The following ECPAS variants were observed in gnomAD, a reference collection of about 807,000 sequenced individuals.
ECPAS encodes proteasome adapter and scaffold protein ECM29.
ECPAS carries 70 observed loss-of-function variants against 255.1 expected under a neutral mutation model. The ratio of observed to expected loss-of-function variants is 0.27; its 90% CI spans 0.23 to 0.33. The LOEUF (loss-of-function observed/expected upper bound fraction) is 0.33. ECPAS is among the 10% of genes least tolerant of loss of function. ECPAS has a pLI of 1.00. For missense variants in ECPAS, 1,817 were observed against 2,206.4 expected (o/e 0.82, Z 3.54); for synonymous variants, 784 against 775.0 (o/e 1.01, Z -0.19).
chr9:111,475,236 C>CA (rs1404429147), intron 1 of ECPAS, among the ~76,000 whole-genome samples: 12 of 152,084 alleles, frequency 7.9e-5, no homozygotes, highest in Admixed American at 1.3e-4. Context: ...AATACATGGG[C>CA]AAAACAAGCC....
intron 3 of ECPAS, among the ~76,000 whole-genome samples, chr9:111,447,822 T>C (rs914772924): frequency 6.6e-6 from 1 of 152,122 alleles, no homozygotes; most frequent in Non-Finnish European, 1.5e-5. Context: ...AAAGTTATAA[T>C]AGAAAGATAC....
intron 2 of ECPAS, among the ~76,000 whole-genome samples, chr9:111,465,991 C>T (rs2132045053): frequency 6.6e-6 from 1 of 151,974 alleles, no homozygotes; most frequent in East Asian, 1.9e-4. Context: ...CTAGATCATG[C>T]CTCTGCACTC....
chr9:111,364,219 A>T (rs539361034), intron 48 of ECPAS, among the ~76,000 whole-genome samples: 9 of 152,256 alleles, frequency 5.9e-5, no homozygotes, highest in African/African-American at 1.9e-4. Context: ...TCTACCAAAA[A>T]AATCAACACA....
intron 2 of ECPAS, among the ~76,000 whole-genome samples, chr9:111,472,472 T>C (rs1017833057): frequency 2.6e-5 from 4 of 151,760 alleles, no homozygotes; most frequent in African/African-American, 7.3e-5. Context: ...ACCCCATCTC[T>C]ACTAAAAATA....
At chr9:111,447,204 A>AGTT (rs2098254341) in intron 3 of ECPAS, among the ~76,000 whole-genome samples, 1 of 151,772 alleles carries the variant, frequency 6.6e-6, no homozygotes, top group African/African-American at 2.4e-5. Flanking sequence ...AGCCAACTGC[A>AGTT]GCCTCGAACT....
chr9:111,467,219 G>A (rs1433515049), intron 2 of ECPAS, among the ~76,000 whole-genome samples: 1 of 152,062 alleles, frequency 6.6e-6, no homozygotes, highest in Non-Finnish European at 1.5e-5. Context: ...AAGAAGAGAA[G>A]AGATGAGAAA....
intron 24 of ECPAS, 59 bp downstream of exon 24, chr9:111,408,512 A>C (rs2098188739): frequency 7.9e-6 from 9 of 1,141,964 alleles, no homozygotes; most frequent in Non-Finnish European, 1.1e-5. Flanking sequence ...ACCTAAAAAA[A>C]AAAAAAAGAC....
intron 19 of ECPAS, 103 bp downstream of exon 19, chr9:111,414,326 A>T: frequency 3.1e-6 from 3 of 976,712 alleles, no homozygotes; most frequent in Non-Finnish European, 3.0e-6. Flanking sequence ...ATGTTCAGTT[A>T]CAGAAGAAAA....
intron 46 of ECPAS, among the ~76,000 whole-genome samples, chr9:111,367,014 C>T (rs1039425690): frequency 7.2e-5 from 11 of 152,130 alleles, no homozygotes; most frequent in African/African-American, 2.4e-4. Flanking sequence ...GAATGACAGC[C>T]ACAGAAAGAA....
intron 34 of ECPAS, among the ~76,000 whole-genome samples, chr9:111,383,878 C>T (rs1040196540): frequency 6.6e-6 from 1 of 152,040 alleles, no homozygotes; most frequent in East Asian, 1.9e-4. Context: ...GTCGTGATCA[C>T]GCCACTGCAT....
Position 111,370,528 on chromosome 9 carries a change from A to T in ECPAS, c.4881T>A (p.Ile1627=), listed in dbSNP as rs768535902. The part of the protein sequence containing the change: ...ECSKENVKYK[I]VAISCAADIL... ...TATCAGCTGCACAGCTGATTGCTAC[A>T]ATCTTGTATTTGACATTCTCTTTGC... The change falls in exon 45 of 50, where the codon ATT becomes ATA. Residue 1627 remains isoleucine (I), a synonymous_variant. Transcript: ENST00000684092. The T allele has an allele frequency of 6.2e-7, 1 of 1,611,404 alleles. No individual in the cohort carries two copies. The highest frequency in any genetic ancestry group is 1.7e-5 in the Admixed American group (1 of 59,646).
chr9:111,400,824 GAGAA>G (rs2098174815), intron 24 of ECPAS, among the ~76,000 whole-genome samples: 1 of 152,150 alleles, frequency 6.6e-6, no homozygotes, highest in Admixed American at 6.5e-5. Flanking sequence ...AGAGGAAACA[GAGAA>G]AGAAACAGGT....
chr9:111,386,580 T>G, intron 31 of ECPAS, 124 bp from the exon 32 acceptor site: 1 of 630,196 alleles, frequency 1.6e-6, no homozygotes, highest in Non-Finnish European at 2.8e-6. Context: ...TTTTACGGCC[T>G]CCATGTCTCT....
intron 23 of ECPAS, among the ~76,000 whole-genome samples, 195 bp downstream of exon 23, chr9:111,409,846 G>A (rs2098191198): frequency 6.6e-6 from 1 of 152,090 alleles, no homozygotes. Context: ...GCCAAAAGAT[G>A]TGCACACTAA....
chr9:111,375,950 G>T (rs1272320731), intron 37 of ECPAS, among the ~76,000 whole-genome samples: 1 of 152,130 alleles, frequency 6.6e-6, no homozygotes, highest in Non-Finnish European at 1.5e-5. Flanking sequence ...CCATTACAGG[G>T]AATGCACAAC....
At position 111,416,294 on chromosome 9, in the gene ECPAS, A is replaced by T. The variant is rs1292144525; in HGVS notation, c.1742T>A (p.Phe581Tyr). 11 of 1,613,524 alleles carry T rather than the reference A, an allele frequency of 6.8e-6. No individual in the cohort carries two copies. Among genetic ancestry groups the T allele is most frequent in the Non-Finnish European group, 9.3e-6 (11 of 1,179,598 alleles). Residue 581 changes from phenylalanine (F) to tyrosine (Y), a missense_variant, in exon 18 of 50, where the codon TTT (phenylalanine) becomes TAT (tyrosine). Transcript: ENST00000684092. The stretch of plus-strand genomic sequence containing the variant: ...TACCTCTCCAAAGGCTGCTGGGTTA[A>T]ATGGAAGGACAGTGGTCCCGGTCAT... The part of the protein sequence containing the change: ...KYMTGTTVLP[F>Y]NPAAFGEIVL...
chr9:111,476,258 G>A (rs889516246), intron 1 of ECPAS, among the ~76,000 whole-genome samples: 2 of 152,160 alleles, frequency 1.3e-5, no homozygotes, highest in African/African-American at 4.8e-5. Flanking sequence ...AGCTGACCAG[G>A]TGAAAAGTCT....
intron 43 of ECPAS, 34 bp downstream of exon 43, chr9:111,371,586 GA>G (rs1195701190): frequency 6.5e-7 from 1 of 1,550,284 alleles, no homozygotes; most frequent in East Asian, 2.3e-5. Flanking sequence ...GATGAAGTCA[GA>G]ATCCCTTTAA....
chr9:111,383,406 T>C, intron 34 of ECPAS, 74 bp from the exon 35 acceptor site: 1 of 1,512,940 alleles, frequency 6.6e-7, no homozygotes, highest in Non-Finnish European at 8.9e-7. Flanking sequence ...ACAAAAGACT[T>C]TCTACTTCAC....
Sources: allele counts gnomAD v4.1 joint callset (sites outside exome capture counted in the v4.1 genomes callset), GRCh38; gene constraint gnomAD v4.1.1; transcripts MANE v1.5; gene names NCBI Gene and HGNC (gene_info 2026-07-23, HGNC 2026-07-21).